The following SKAP2 variants were observed in gnomAD, a reference collection of about 807,000 sequenced individuals.
SKAP2 encodes src kinase associated phosphoprotein 2, also known as src kinase-associated phosphoprotein 2.
A neutral mutation model predicts 54.9 loss-of-function variants in SKAP2; 28 were observed. That is an observed-to-expected ratio of 0.51 (90% CI 0.38 to 0.70). The LOEUF (loss-of-function observed/expected upper bound fraction) is 0.70, where lower values mean the gene tolerates loss of function less well. Among genes scored for constraint, SKAP2 ranks in the 30% least tolerant of loss-of-function variants. The pLI is 0.00. For missense variants in SKAP2, 356 were observed against 424.1 expected (o/e 0.84, Z 1.41); for synonymous variants, 137 against 134.3 (o/e 1.02, Z -0.14).
intron 1 of SKAP2, among the ~76,000 whole-genome samples, chr7:26,861,198 G>A (rs919460736): frequency 6.6e-6 from 1 of 151,162 alleles, no homozygotes; most frequent in Non-Finnish European, 1.5e-5. Context: ...GAGGGAAGTG[G>A]TTCTAGTTCC....
chr7:26,845,798 G>C (rs1323569711), intron 3 of SKAP2, among the ~76,000 whole-genome samples: 1 of 152,058 alleles, frequency 6.6e-6, no homozygotes, highest in East Asian at 1.9e-4. Context: ...GCCGGGTGTG[G>C]TGGCCTGCAC....
chr7:26,735,915 C>G (rs1000808166), intron 6 of SKAP2, among the ~76,000 whole-genome samples: 3 of 151,856 alleles, frequency 2.0e-5, no homozygotes, highest in Non-Finnish European at 4.4e-5. Flanking sequence ...CTAAAAATTT[C>G]GAATGAAACC....
At chr7:26,657,756 G>A in the SKAP2 span, among the ~76,000 whole-genome samples, 1 of 54,852 alleles carries the variant, frequency 1.8e-5, no homozygotes, top group South Asian at 6.6e-4. Context: ...CCCAACTTAC[G>A]CACTGACACA....
intron 4 of SKAP2, among the ~76,000 whole-genome samples, chr7:26,804,227 C>T (rs1357169654): frequency 6.6e-6 from 1 of 152,002 alleles, no homozygotes; most frequent in Non-Finnish European, 1.5e-5. Flanking sequence ...TTATGTACCC[C>T]ATAAATGTAT....
intron 3 of SKAP2, among the ~76,000 whole-genome samples, chr7:26,849,940 C>T (rs1298294384): frequency 6.6e-6 from 1 of 152,128 alleles, no homozygotes. Flanking sequence ...TATTTCAGTA[C>T]ATCATTCTAT....
intron 4 of SKAP2, among the ~76,000 whole-genome samples, chr7:26,758,443 C>T (rs1310387131): frequency 6.6e-6 from 1 of 152,010 alleles, no homozygotes; most frequent in Non-Finnish European, 1.5e-5. Flanking sequence ...AAACAATATT[C>T]CCAATATATA....
At chr7:26,857,820 T>C (rs3801807) in intron 1 of SKAP2, 185,407 of 786,146 alleles carry the variant, frequency 0.24, 22,323 homozygotes, top group Middle Eastern at 0.26. Flanking sequence ...TCTGGCTGGT[T>C]GGAGAAGAGA....
intron 4 of SKAP2, among the ~76,000 whole-genome samples, chr7:26,765,563 T>A (rs1783033927): frequency 6.6e-6 from 1 of 152,220 alleles, no homozygotes; most frequent in Admixed American, 6.5e-5. Context: ...TCCTAAATGG[T>A]GTTGCCTAGG....
chr7:26,770,249 C>T (rs559088550), intron 4 of SKAP2, among the ~76,000 whole-genome samples: 1 of 152,250 alleles, frequency 6.6e-6, no homozygotes, highest in African/African-American at 2.4e-5. Context: ...GCTTTGTTTA[C>T]ACTATGAGGG....
Position 26,845,320 on chromosome 7 carries a change from T to G in SKAP2, c.200-1183A>C, listed in dbSNP as rs1341093085. On this transcript the variant is annotated intron_variant, in intron 3 of 12. Transcript: ENST00000345317. The stretch of plus-strand genomic sequence containing the variant: ...TTTTTGGTAGAGAAAATAGCCTCTC[T>G]CAAGACAACACTGTCCAAATAATTT... Among the ~76,000 whole-genome samples, 4 of 152,308 alleles carry G rather than the reference T, an allele frequency of 2.6e-5. No homozygotes were observed. In the East Asian group the frequency reaches 5.8e-4, roughly 22 times the overall value.
At chr7:26,765,174 A>G (rs1783022168) in intron 4 of SKAP2, among the ~76,000 whole-genome samples, 1 of 152,178 alleles carries the variant, frequency 6.6e-6, no homozygotes, top group South Asian at 2.1e-4. Flanking sequence ...TTGCCATTCT[A>G]ACTGACGTGA....
At chr7:26,762,144 C>T (rs1019772535) in intron 4 of SKAP2, among the ~76,000 whole-genome samples, 1 of 151,974 alleles carries the variant, frequency 6.6e-6, no homozygotes, top group Non-Finnish European at 1.5e-5. Context: ...TTTAAAAAAA[C>T]ATCTATTGCA....
chr7:26,803,595 G>T (rs148554064), intron 4 of SKAP2, among the ~76,000 whole-genome samples: 2 of 152,242 alleles, frequency 1.3e-5, no homozygotes, highest in African/African-American at 4.8e-5. Flanking sequence ...AGGTACCATA[G>T]GATCCAGCAA....
At chr7:26,788,537 A>G (rs1202670268) in intron 4 of SKAP2, among the ~76,000 whole-genome samples, 1 of 152,226 alleles carries the variant, frequency 6.6e-6, no homozygotes, top group Non-Finnish European at 1.5e-5. Context: ...AACTGTCAGA[A>G]TTTAAATTGG....
At chr7:26,842,584 T>C (rs1784839090) in intron 4 of SKAP2, among the ~76,000 whole-genome samples, 1 of 151,878 alleles carries the variant, frequency 6.6e-6, no homozygotes, top group South Asian at 2.1e-4. Context: ...ATATAGTCTA[T>C]GAATATATTC....
intron 4 of SKAP2, among the ~76,000 whole-genome samples, chr7:26,760,566 T>G (rs1782905452): frequency 6.6e-6 from 1 of 152,070 alleles, no homozygotes; most frequent in African/African-American, 2.4e-5. Flanking sequence ...ATAACAACAA[T>G]TAATAATACA....
intron 4 of SKAP2, among the ~76,000 whole-genome samples, chr7:26,760,762 A>G (rs1006981216): frequency 2.0e-5 from 3 of 152,192 alleles, no homozygotes; most frequent in African/African-American, 7.2e-5. Flanking sequence ...TTTAGGTGGA[A>G]TATCAACCAA....
intron 4 of SKAP2, among the ~76,000 whole-genome samples, chr7:26,749,913 C>T (rs1046848721): frequency 2.0e-5 from 3 of 148,294 alleles, no homozygotes; most frequent in African/African-American, 7.5e-5. Flanking sequence ...AATAACAGCA[C>T]TGCAACAGTT....
At chr7:26,742,628 TG>T (rs35691834) in intron 4 of SKAP2, among the ~76,000 whole-genome samples, 1 of 151,970 alleles carries the variant, frequency 6.6e-6, no homozygotes, top group South Asian at 2.1e-4. Flanking sequence ...CCCTGGGGAG[TG>T]GGGGAGTACA....
Sources: gnomAD v4.1 joint callset for allele counts (sites outside exome capture counted in the v4.1 genomes callset) on GRCh38, gnomAD v4.1.1 for gene constraint, MANE v1.5 for transcripts, NCBI Gene and HGNC (gene_info 2026-07-23, HGNC 2026-07-21) for gene names.